Variants in MAL2 observed in about 807,000 individuals in gnomAD.
MAL2 encodes the protein mal, T cell differentiation protein 2, also known as protein MAL2.
Under a neutral mutation model 18.1 loss-of-function variants are expected in MAL2, and 17 were observed. That is an observed-to-expected ratio of 0.94 (90% CI 0.64 to 1.41). MAL2 has a LOEUF of 1.41. Among genes scored for constraint, MAL2 ranks in the 40% most tolerant of loss-of-function variants. The pLI is 0.00. For missense variants in MAL2, 222 were observed against 231.9 expected (o/e 0.96, Z 0.28); for synonymous variants, 102 against 102.3 (o/e 1.00, Z 0.02).
intron 3 of MAL2, among the ~76,000 whole-genome samples, chr8:119,241,440 G>C (rs916363634): frequency 1.3e-5 from 2 of 152,178 alleles, no homozygotes; most frequent in Non-Finnish European, 2.9e-5. Flanking sequence ...CTCAGGAGGC[G>C]GAGGTTGCAG....
chr8:119,222,852 G>GCAAT (rs904043957), intron 2 of MAL2, among the ~76,000 whole-genome samples: 9 of 150,586 alleles, frequency 6.0e-5, no homozygotes, highest in African/African-American at 2.2e-4. Flanking sequence ...AAAAAAATTT[G>GCAAT]CAATCAACAC....
intron 1 of MAL2, among the ~76,000 whole-genome samples, chr8:119,212,689 A>G (rs1351525842): frequency 2.6e-5 from 4 of 152,238 alleles, no homozygotes; most frequent in Admixed American, 2.6e-4. Flanking sequence ...ATTTGAGGTT[A>G]GCCTTCAATA....
intron 1 of MAL2, among the ~76,000 whole-genome samples, chr8:119,220,923 G>A (rs1563770443): frequency 6.6e-6 from 1 of 152,068 alleles, no homozygotes. Flanking sequence ...GAAACCAAGT[G>A]TAACCTGTTT....
chr8:119,216,528 G>A (rs1306365101), intron 1 of MAL2, among the ~76,000 whole-genome samples: 1 of 152,160 alleles, frequency 6.6e-6, no homozygotes, highest in Non-Finnish European at 1.5e-5. Flanking sequence ...TAAGAGCTCA[G>A]TAAATGTTAA....
chr8:119,237,736 C>A (rs1817939463), intron 2 of MAL2, among the ~76,000 whole-genome samples: 1 of 151,708 alleles, frequency 6.6e-6, no homozygotes, highest in Admixed American at 6.5e-5. Flanking sequence ...CAAAATTCAA[C>A]AACCCTTCAT....
At chr8:119,219,781 G>A (rs1563770070) in intron 1 of MAL2, among the ~76,000 whole-genome samples, 2 of 152,138 alleles carry the variant, frequency 1.3e-5, no homozygotes, top group Non-Finnish European at 2.9e-5. Flanking sequence ...GAGCCAAAGG[G>A]ATTTAATTAC....
In MAL2 at chr8:119,229,768, A is replaced by C. The variant is rs533814304; in HGVS notation, c.303+8011A>C. Among the ~76,000 whole-genome samples the C allele has an allele frequency of 1.1e-4, 16 of 152,260 alleles. No homozygotes were observed. The South Asian group carries it at 3.3e-3, about 32-fold the overall frequency. On this transcript the variant is annotated intron_variant, in intron 2 of 3. Transcript: ENST00000614891. Reference sequence around the variant, plus strand: ...AGCTGCTGTCCCTTTCAACCTTGCAACCACATAGGAGCCAACTCTTCCAAA... The same window carrying C: ...AGCTGCTGTCCCTTTCAACCTTGCACCCACATAGGAGCCAACTCTTCCAAA...
At chr8:119,236,706 G>A (rs1274142251) in intron 2 of MAL2, among the ~76,000 whole-genome samples, 10 of 150,610 alleles carry the variant, frequency 6.6e-5, no homozygotes, top group Admixed American at 1.3e-4. Flanking sequence ...GGTACATAAC[G>A]AAATGAAGGC....
chr8:119,233,527 A>G (rs1817786613), intron 2 of MAL2, among the ~76,000 whole-genome samples: 1 of 152,188 alleles, frequency 6.6e-6, no homozygotes, highest in Non-Finnish European at 1.5e-5. Context: ...ACAAACTACC[A>G]TCAGAGAATA....
intron 2 of MAL2, among the ~76,000 whole-genome samples, chr8:119,239,153 A>G (rs1203456216): frequency 3.9e-5 from 6 of 152,266 alleles, no homozygotes; most frequent in Admixed American, 1.3e-4. Flanking sequence ...ACATTTATGC[A>G]GCCAAAAAAC....
At chr8:119,239,453 A>C (rs1359497179) in intron 2 of MAL2, among the ~76,000 whole-genome samples, 1 of 152,190 alleles carries the variant, frequency 6.6e-6, no homozygotes, top group Non-Finnish European at 1.5e-5. Context: ...TCATGCTGCT[A>C]TAAAGACACA....
chr8:119,212,858 A>C (rs550476249), intron 1 of MAL2, among the ~76,000 whole-genome samples: 1 of 152,332 alleles, frequency 6.6e-6, no homozygotes, highest in South Asian at 2.1e-4. Context: ...GGTAGGACTC[A>C]GGTTCTGGTT....
Position 119,208,717 on chromosome 8 carries a change from G to T in MAL2, c.132+113G>T. On this transcript the variant is annotated intron_variant, in intron 1 of 3. Coordinates refer to ENST00000614891, the MANE Select transcript of MAL2 (RefSeq NM_052886.3). The surrounding 1 kb of genome is among the most constrained non-coding windows in gnomAD (Gnocchi z 4.3). The stretch of plus-strand genomic sequence containing the variant: ...CGCCCCCGGCCTCCTTCCCTTCGAC[G>T]TGGCTTTGTCCTGCGCTCCCTCCCG... 1 of 1,212,140 alleles carries T rather than the reference G, an allele frequency of 8.2e-7. No individual in the cohort carries two copies. Among genetic ancestry groups the T allele is most frequent in the South Asian group, 4.0e-5 (1 of 24,992 alleles). The allele number at this position is 1,212,140 out of a possible 1,614,324, so 75.1% of individuals were successfully genotyped here.
At chr8:119,231,888 T>C (rs567993043) in intron 2 of MAL2, among the ~76,000 whole-genome samples, 142 of 151,108 alleles carry the variant, frequency 9.4e-4, no homozygotes, top group Non-Finnish European at 1.4e-3. Context: ...AAGTAGAGAA[T>C]AGAATGGTGA....
intron 1 of MAL2, among the ~76,000 whole-genome samples, chr8:119,210,137 C>A (rs1275531628): frequency 1.3e-5 from 2 of 151,964 alleles, no homozygotes; most frequent in African/African-American, 4.8e-5. Flanking sequence ...GTACTTTTGT[C>A]TTTTCTTAAG....
chr8:119,241,730 A>AG (rs1818051652), intron 3 of MAL2, among the ~76,000 whole-genome samples: 2 of 152,222 alleles, frequency 1.3e-5, no homozygotes, highest in South Asian at 4.1e-4. Flanking sequence ...TACAACAAAA[A>AG]GGAGTCATGG....
chr8:119,233,520 A>G lies in MAL2; in HGVS notation c.304-6645A>G, dbSNP rs145774232. ...AGCAGCACTGATCCACAGAAATACA[A>G]ACTACCATCAGAGAATACTACAAAC... On this transcript the variant is annotated intron_variant, in intron 2 of 3. Coordinates refer to ENST00000614891, the MANE Select transcript of MAL2 (RefSeq NM_052886.3). 6.4e-3 allele frequency among the ~76,000 whole-genome samples: 974 copies of G among 152,268 alleles called. 11 individuals are homozygous for G. The highest frequency in any genetic ancestry group is 0.022 in the African/African-American group (916 of 41,516).
At chr8:119,226,235 T>A (rs988495368) in intron 2 of MAL2, among the ~76,000 whole-genome samples, 12 of 152,094 alleles carry the variant, frequency 7.9e-5, no homozygotes, top group Non-Finnish European at 1.5e-4. Flanking sequence ...CTGAATGGTA[T>A]TGCCTAGGTT....
chr8:119,242,443 A>T (rs983172196), intron 3 of MAL2, among the ~76,000 whole-genome samples: 1 of 152,140 alleles, frequency 6.6e-6, no homozygotes, highest in Admixed American at 6.6e-5. Flanking sequence ...TTTGAGTTTT[A>T]TTGTAACTAA....
Sources: gnomAD v4.1 joint callset for allele counts (sites outside exome capture counted in the v4.1 genomes callset) on GRCh38, gnomAD v4.1.1 for gene constraint, Gnocchi (gnomAD v3.1) non-coding constraint, MANE v1.5 for transcripts, NCBI Gene and HGNC (gene_info 2026-07-23, HGNC 2026-07-21) for gene names.